Variants in SHISAL2B observed in about 807,000 individuals in gnomAD.
SHISAL2B encodes protein shisa-like-2B.
A neutral mutation model predicts 16.5 loss-of-function variants in SHISAL2B; 12 were observed. The observed-to-expected ratio is 0.73, with a 90% CI of 0.47 to 1.18. The LOEUF (loss-of-function observed/expected upper bound fraction) is 1.18. SHISAL2B is among the 50% of genes most tolerant of loss of function. The probability of loss-of-function intolerance (pLI) is 0.00; values close to 1 mark genes in which losing one functional copy is unlikely to be tolerated. For missense variants in SHISAL2B, 183 were observed against 193.6 expected (o/e 0.95, Z 0.33); for synonymous variants, 72 against 75.0 (o/e 0.96, Z 0.21).
intron 2 of SHISAL2B, among the ~76,000 whole-genome samples, chr5:64,695,932 CTTCCAG>C (rs1741727333): frequency 6.6e-6 from 1 of 152,124 alleles, no homozygotes; most frequent in African/African-American, 2.4e-5. Flanking sequence ...ATTTATGTTC[CTTCCAG>C]TTATTAAAGT....
intron 2 of SHISAL2B, among the ~76,000 whole-genome samples, chr5:64,696,859 C>T (rs1741744809): frequency 6.6e-6 from 1 of 152,190 alleles, no homozygotes; most frequent in African/African-American, 2.4e-5. Flanking sequence ...TTGCTTTGCT[C>T]TTTGCCTTAT....
intron 1 of SHISAL2B, among the ~76,000 whole-genome samples, chr5:64,693,201 G>A (rs927680605): frequency 6.6e-6 from 1 of 151,992 alleles, no homozygotes; most frequent in Non-Finnish European, 1.5e-5. Context: ...TAGAGACGGG[G>A]TTTCACCATG....
chr5:64,710,893 C>G (rs1741948651), intron 2 of SHISAL2B, among the ~76,000 whole-genome samples: 1 of 110,576 alleles, frequency 9.0e-6, no homozygotes, highest in South Asian at 3.3e-4. Context: ...ATTTTGTATC[C>G]TGAGACTTTG....
At chr5:64,717,078 A>T in intron 2 of SHISAL2B, among the ~76,000 whole-genome samples, 1 of 152,198 alleles carries the variant, frequency 6.6e-6, no homozygotes, top group East Asian at 1.9e-4. Flanking sequence ...ATTTAGCAAC[A>T]TGGAGGTAAT....
chr5:64,703,894 T>A (rs1741843548), intron 2 of SHISAL2B, among the ~76,000 whole-genome samples: 1 of 152,072 alleles, frequency 6.6e-6, no homozygotes, highest in African/African-American at 2.4e-5. Context: ...AAGGGAGAGG[T>A]CAATAAGTTT....
intron 2 of SHISAL2B, among the ~76,000 whole-genome samples, chr5:64,696,512 G>A (rs1051156871): frequency 6.6e-6 from 1 of 152,152 alleles, no homozygotes; most frequent in African/African-American, 2.4e-5. Flanking sequence ...TGCAAGTAGG[G>A]AAGATCTCAC....
Position 64,717,809 on chromosome 5 carries a change from A to C in SHISAL2B, c.350-80A>C, listed in dbSNP as rs1580530671. The C allele has an allele frequency of 4.7e-6, 6 of 1,272,876 alleles. No individual in the cohort carries two copies. The South Asian group carries it at 5.9e-5, about 12-fold the overall frequency. 78.8% of individuals were successfully genotyped at this position (1,272,876 alleles called of 1,614,324 possible). A position where few individuals can be genotyped will look rare whatever the true frequency, so the allele number is the denominator to read the frequency against. On this transcript the variant is annotated intron_variant, in intron 2 of 2. Coordinates refer to ENST00000389074, the MANE Select transcript of SHISAL2B (RefSeq NM_001164442.2). ...CATCATATTTTCAATATTGCTACAAAAATTATTTTTAAGTGCAAATTTTTA... is the reference window on the plus strand; with the variant it reads ...CATCATATTTTCAATATTGCTACAACAATTATTTTTAAGTGCAAATTTTTA...
intron 2 of SHISAL2B, among the ~76,000 whole-genome samples, chr5:64,697,488 G>A (rs893950718): frequency 6.6e-6 from 1 of 152,100 alleles, no homozygotes; most frequent in Non-Finnish European, 1.5e-5. Flanking sequence ...TTATACAAAT[G>A]CTAGTTGTTA....
intron 1 of SHISAL2B, 142 bp from the exon 2 acceptor site, chr5:64,695,365 C>A: frequency 1.9e-6 from 1 of 523,172 alleles, no homozygotes; most frequent in East Asian, 3.2e-5. Context: ...CTGTAGATTT[C>A]AATCAGTTCC....
chr5:64,694,905 TTATCCC>T (rs1157265800), intron 1 of SHISAL2B, among the ~76,000 whole-genome samples: 1 of 152,170 alleles, frequency 6.6e-6, no homozygotes, highest in Non-Finnish European at 1.5e-5. Flanking sequence ...TGTTTTAGAA[TTATCCC>T]TAGAGAATCA....
At chr5:64,714,394 T>C (rs1413895178) in intron 2 of SHISAL2B, among the ~76,000 whole-genome samples, 41 of 148,366 alleles carry the variant, frequency 2.8e-4, no homozygotes, top group African/African-American at 4.4e-4. Flanking sequence ...GCAGTCTGCC[T>C]GTTCTCAGAT....
chr5:64,714,734 G>A (rs1441523169), intron 2 of SHISAL2B, among the ~76,000 whole-genome samples: 2 of 152,148 alleles, frequency 1.3e-5, no homozygotes, highest in African/African-American at 2.4e-5. Flanking sequence ...GTGGGATATA[G>A]TCTCGTGGTG....
At chr5:64,691,225 T>C in intron 1 of SHISAL2B, 1 of 178,716 alleles carries the variant, frequency 5.6e-6, no homozygotes, top group Non-Finnish European at 1.2e-5. Flanking sequence ...TTTAAAATCC[T>C]CTTTTTGGTT....
intron 2 of SHISAL2B, among the ~76,000 whole-genome samples, chr5:64,714,647 C>A (rs796768697): frequency 3.3e-5 from 5 of 152,092 alleles, no homozygotes. Flanking sequence ...GCCTGGCTGC[C>A]GCCTTGCAGT....
intron 2 of SHISAL2B, among the ~76,000 whole-genome samples, chr5:64,705,912 AC>A (rs1355485111): frequency 6.6e-6 from 1 of 152,194 alleles, no homozygotes; most frequent in Non-Finnish European, 1.5e-5. Context: ...TAATCCCAGC[AC>A]TTTGGGAGGC....
rs1208293390 is a variant in SHISAL2B, at chr5:64,717,868, T to C, written c.350-21T>C. 1.3e-5 allele frequency: 19 copies of C among 1,493,114 alleles called. No individual in the cohort carries two copies. The East Asian group carries it at 4.0e-4, about 31-fold the overall frequency. The allele number at this position is 1,493,114 out of a possible 1,614,324, so 92.5% of individuals were successfully genotyped here. The stretch of plus-strand genomic sequence containing the variant: ...ACGATGTCATAATTTCAAATAATTA[T>C]TTTGTTTTGTGTATCTGCAGGCAAG... On this transcript the variant is annotated intron_variant, in intron 2 of 2. Coordinates refer to ENST00000389074, the MANE Select transcript of SHISAL2B (RefSeq NM_001164442.2).
chr5:64,692,687 G>A (rs1434432521), intron 1 of SHISAL2B, among the ~76,000 whole-genome samples: 1 of 152,136 alleles, frequency 6.6e-6, no homozygotes, highest in African/African-American at 2.4e-5. Flanking sequence ...TAGGAGAATT[G>A]CCACATTAAT....
chr5:64,709,945 C>G (rs1479387367), intron 2 of SHISAL2B, among the ~76,000 whole-genome samples: 9,956 of 150,420 alleles, frequency 0.066, 1,072 homozygotes, highest in African/African-American at 0.23. Flanking sequence ...AGCCCTTTGT[C>G]AGATGAGTAG....
intron 2 of SHISAL2B, among the ~76,000 whole-genome samples, chr5:64,700,680 TG>T (rs540951923): frequency 0.013 from 2,051 of 152,288 alleles, 22 homozygotes; most frequent in Non-Finnish European, 0.02. Context: ...ACCAAAGTGC[TG>T]GGATTATAGG....
Sources: gnomAD v4.1 joint callset for allele counts (sites outside exome capture counted in the v4.1 genomes callset) on GRCh38, gnomAD v4.1.1 for gene constraint, MANE v1.5 for transcripts, NCBI Gene and HGNC (gene_info 2026-07-23, HGNC 2026-07-21) for gene names.